Variants in PDZK1 observed in about 807,000 individuals in gnomAD.
PDZK1 encodes the protein PDZ domain containing 1, also known as Na(+)/H(+) exchange regulatory cofactor NHE-RF3.
PDZK1 carries 23 observed loss-of-function variants against 38.1 expected under a neutral mutation model. That is an observed-to-expected ratio of 0.60 (90% CI 0.43 to 0.85). The LOEUF is 0.85. PDZK1 is among the 40% of genes least tolerant of loss of function. The pLI, the probability that PDZK1 is intolerant of heterozygous loss-of-function variation, is 0.00. For missense variants in PDZK1, 297 were observed against 504.3 expected, an observed-to-expected ratio of 0.59 and a Z score of 3.94; for synonymous variants, 98 against 186.2, an observed-to-expected ratio of 0.53 and a Z score of 3.86.
At chr1:145,699,285 G>A (rs1655819572) in intron 1 of PDZK1, among the ~76,000 whole-genome samples, 1 of 152,096 alleles carries the variant, frequency 6.6e-6, no homozygotes, top group Non-Finnish European at 1.5e-5. Flanking sequence ...GGGCGTGGTT[G>A]TGCGTGCCTG....
intron 3 of PDZK1, among the ~76,000 whole-genome samples, chr1:145,683,164 C>A (rs1413161419): frequency 6.6e-6 from 1 of 152,182 alleles, no homozygotes; most frequent in East Asian, 1.9e-4. Flanking sequence ...AAACAAACTT[C>A]CGATTTTAGA....
intron 5 of PDZK1, among the ~76,000 whole-genome samples, chr1:145,679,233 A>G (rs1209243173): frequency 6.6e-6 from 1 of 151,606 alleles, no homozygotes; most frequent in Admixed American, 6.6e-5. Flanking sequence ...ATCTCCAACA[A>G]AATATCTCAT....
At chr1:145,698,627 A>G (rs9728619) in intron 1 of PDZK1, among the ~76,000 whole-genome samples, 77,476 of 151,988 alleles carry the variant, frequency 0.51, 20,281 homozygotes, top group Non-Finnish European at 0.57. Flanking sequence ...GGGCTAACAT[A>G]TTTTTAAAAC....
chr1:145,695,760 C>T (rs1459206698), intron 1 of PDZK1, among the ~76,000 whole-genome samples: 2 of 152,142 alleles, frequency 1.3e-5, no homozygotes, highest in East Asian at 3.9e-4. Flanking sequence ...AAATCCTACT[C>T]ACACGTGATA....
chr1:145,678,026 C>T (rs1351709214), intron 6 of PDZK1, among the ~76,000 whole-genome samples: 5 of 111,452 alleles, frequency 4.5e-5, no homozygotes, highest in Non-Finnish European at 7.1e-5. Context: ...CTTGGTCTAT[C>T]TGTGTTTCTT....
intron 6 of PDZK1, among the ~76,000 whole-genome samples, chr1:145,676,917 A>G (rs1653737088): frequency 6.6e-6 from 1 of 151,956 alleles, no homozygotes; most frequent in African/African-American, 2.4e-5. Context: ...TGATTGAACA[A>G]ATAGAACATT....
Position 145,686,555 on chromosome 1 carries a change from G to T in PDZK1, c.382C>A (p.Gln128Lys), listed in dbSNP as rs782512918. The T allele has an allele frequency of 1.2e-6, 2 of 1,611,564 alleles. No homozygotes were observed. The highest frequency in any genetic ancestry group is 3.3e-5 in the Admixed American group (2 of 59,976). The change falls in exon 3 of 9, where the codon CAA becomes AAA. Residue 128 changes from glutamine to lysine, a missense_variant. Around this residue, in one of 5 missense-constraint regions of PDZK1, gnomAD observed 159 missense variants for 200.0 expected, o/e 0.79. Transcript: ENST00000417171. The part of the protein sequence containing the change: ...ILSPVMNGGV[Q>K]TWTQPRLCYL... ...CAGAGCCGGGGCTGGGTCCAAGTTT[G>T]CACACCTCCATTCATCACAGGGGAA...
intron 1 of PDZK1, among the ~76,000 whole-genome samples, chr1:145,703,589 A>C (rs1344180235): frequency 6.6e-6 from 1 of 152,174 alleles, no homozygotes; most frequent in Non-Finnish European, 1.5e-5. Context: ...CCTGCCTCCC[A>C]GGCCTGAGGT....
At chr1:145,690,915 C>T (rs995909531) in intron 1 of PDZK1, among the ~76,000 whole-genome samples, 2 of 152,198 alleles carry the variant, frequency 1.3e-5, no homozygotes, top group Non-Finnish European at 2.9e-5. Context: ...AGATGGTAAT[C>T]GCTCAGATCT....
At chr1:145,695,660 A>G (rs1328896032) in intron 1 of PDZK1, among the ~76,000 whole-genome samples, 7 of 152,102 alleles carry the variant, frequency 4.6e-5, no homozygotes, top group African/African-American at 1.4e-4. Flanking sequence ...CAGAGGAATA[A>G]CAGGATCAGA....
intron 5 of PDZK1, among the ~76,000 whole-genome samples, chr1:145,679,649 A>G (rs1368641630): frequency 1.3e-5 from 2 of 152,098 alleles, no homozygotes; most frequent in African/African-American, 4.8e-5. Context: ...CTAAACAACT[A>G]TTTGACCTTA....
rs372909750 is a variant in PDZK1 at position 145,692,166 on chromosome 1, G to A, written c.-2-4143C>T. 2.6e-5 allele frequency among the ~76,000 whole-genome samples: 4 copies of A among 152,284 alleles called. No homozygotes were observed. The East Asian group carries it at 7.7e-4, about 29-fold the overall frequency. ...TGGTATGACCTCTGGATCTGGCAAA[G>A]TAGAAAGAACTAAAGCCACTGGTCT... On this transcript the variant is annotated intron_variant, in intron 1 of 8. Transcript: ENST00000417171.
At chr1:145,707,002 C>T (rs191005749) in intron 1 of PDZK1, among the ~76,000 whole-genome samples, 1 of 152,206 alleles carries the variant, frequency 6.6e-6, no homozygotes, top group Admixed American at 6.5e-5. Flanking sequence ...AGTTGTCTCA[C>T]TCCCTTTGGC....
intron 1 of PDZK1, among the ~76,000 whole-genome samples, chr1:145,704,042 T>C (rs1447397201): frequency 1.3e-5 from 2 of 152,180 alleles, no homozygotes; most frequent in African/African-American, 2.4e-5. Flanking sequence ...TTGGCCAGGC[T>C]GGTCTCAAAC....
In PDZK1 at chr1:145,678,988, C is replaced by T. The variant is rs1332948374; in HGVS notation, c.794-343G>A. On this transcript the variant is annotated intron_variant, in intron 5 of 8. Coordinates refer to ENST00000417171, the MANE Select transcript of PDZK1 (RefSeq NM_001201325.2). ...GTCAGTGGGCATACTTGTAGCCACG[C>T]GTCTTATGTAAAAGCTGTCATAAAA... is the stretch of plus-strand genomic sequence containing the variant. Among the ~76,000 whole-genome samples, 7 of 151,192 alleles carry T rather than the reference C, an allele frequency of 4.6e-5. No homozygotes were observed. The South Asian group carries it at 6.3e-4, about 14-fold the overall frequency.
At chr1:145,680,492 C>T (rs1553700108) in intron 5 of PDZK1, among the ~76,000 whole-genome samples, 2 of 151,940 alleles carry the variant, frequency 1.3e-5, no homozygotes, top group African/African-American at 4.8e-5. Context: ...CAGCGGTGTG[C>T]TATACTGGCT....
rs1175926989 is a variant in PDZK1 at position 145,699,021 on chromosome 1, T to G, written c.-3+8296A>C. Among the ~76,000 whole-genome samples, 18 of 152,074 alleles carry G rather than the reference T, an allele frequency of 1.2e-4. 1 individual carries two copies. The highest frequency in any genetic ancestry group is 1.2e-3 in the Admixed American group (18 of 15,266). ...TGGAGGCCGAGGCAGGCGGATCACC[T>G]GAGGTCAGGAGTTTGAGACCAGCGT... On this transcript the variant is annotated intron_variant, in intron 1 of 8. Coordinates refer to ENST00000417171, the MANE Select transcript of PDZK1 (RefSeq NM_001201325.2).
chr1:145,674,536 C>T (rs1429110560), intron 6 of PDZK1, among the ~76,000 whole-genome samples: 2 of 152,182 alleles, frequency 1.3e-5, no homozygotes, highest in South Asian at 2.1e-4. Flanking sequence ...AGCTGGGATA[C>T]CCTCTTCCTC....
intron 6 of PDZK1, among the ~76,000 whole-genome samples, chr1:145,677,289 T>C (rs1274545888): frequency 6.6e-6 from 1 of 151,920 alleles, no homozygotes; most frequent in East Asian, 1.9e-4. Context: ...TTCTTATTTC[T>C]TTAGTTTTCA....
Sources: gnomAD v4.1 joint callset for allele counts (sites outside exome capture counted in the v4.1 genomes callset) on GRCh38, gnomAD v4.1.1 for gene constraint, gnomAD v4.1.1 regional missense constraint, MANE v1.5 for transcripts, NCBI Gene and HGNC (gene_info 2026-07-23, HGNC 2026-07-21) for gene names.